BCL2: variants seen among roughly 807,000 people sequenced by gnomAD.
BCL2 encodes the protein apoptosis regulator Bcl-2.
A neutral mutation model predicts 14.2 loss-of-function variants in BCL2; 1 was observed. The observed-to-expected ratio is 0.07, with a 90% CI of 0.02 to 0.33. BCL2 has a LOEUF of 0.33. Among genes scored for constraint, BCL2 ranks in the 10% least tolerant of loss-of-function variants. The pLI is 0.99. For synonymous variants in BCL2, 151 were observed against 137.2 expected (o/e 1.10, Z -0.70); for missense variants, 247 against 305.9 (o/e 0.81, Z 1.44).
At chr18:63,287,285 T>G (rs1030454018) in intron 2 of BCL2, among the ~76,000 whole-genome samples, 15 of 152,184 alleles carry the variant, frequency 9.9e-5, no homozygotes, top group African/African-American at 3.6e-4. Flanking sequence ...CTGGGTCACA[T>G]TCTAACAAGG....
chr18:63,302,990 G>T, intron 2 of BCL2: 1 of 564,650 alleles, frequency 1.8e-6, no homozygotes, highest in Non-Finnish European at 2.2e-6. Context: ...AAAATGTACA[G>T]CTGAATATAA....
At chr18:63,287,965 T>C in intron 2 of BCL2, among the ~76,000 whole-genome samples, 1 of 152,174 alleles carries the variant, frequency 6.6e-6, no homozygotes, top group East Asian at 1.9e-4. Context: ...TTTGGGGCTC[T>C]GTCTGGGTGG....
intron 2 of BCL2, among the ~76,000 whole-genome samples, chr18:63,238,542 T>C (rs1275606155): frequency 6.6e-6 from 1 of 152,236 alleles, no homozygotes; most frequent in Admixed American, 6.5e-5. Flanking sequence ...GTTGGAAATG[T>C]ATGTATTTGC....
chr18:63,175,340 C>T (rs1446501311), intron 2 of BCL2, among the ~76,000 whole-genome samples: 3 of 152,196 alleles, frequency 2.0e-5, no homozygotes, highest in South Asian at 2.1e-4. Context: ...ATGCTATAGT[C>T]GAATTAGCTA....
At chr18:63,170,206 A>G (rs1384412637) in intron 2 of BCL2, among the ~76,000 whole-genome samples, 1 of 152,158 alleles carries the variant, frequency 6.6e-6, no homozygotes, top group South Asian at 2.1e-4. Flanking sequence ...ATATGTTACT[A>G]TATACGACAT....
At chr18:63,319,132 T>A (rs4987706) in intron 1 of BCL2, 42 bp downstream of exon 1, 7 of 933,546 alleles carry the variant, frequency 7.5e-6, no homozygotes, top group African/African-American at 1.7e-5. Context: ...AAGGTTTCCA[T>A]TGAAAGTTAC....
At chr18:63,279,771 C>T (rs958468933) in intron 2 of BCL2, among the ~76,000 whole-genome samples, 5 of 152,186 alleles carry the variant, frequency 3.3e-5, no homozygotes, top group South Asian at 2.1e-4. Context: ...ATCTCACAAA[C>T]GTAACTATGA....
At position 63,149,006 on chromosome 18, in the gene BCL2, A is replaced by C. The variant is rs1914579983; in HGVS notation, c.586-20247T>G. On this transcript the variant is annotated intron_variant, in intron 2 of 2. Coordinates refer to ENST00000333681, the MANE Select transcript of BCL2 (RefSeq NM_000633.3). This position sits in a 1 kb window ranked among gnomAD's most constrained non-coding sequence, Gnocchi z 4.2. ...TCACGCGGCCTCCCTAAATGTAGCT[A>C]TGACTCCCAGCTAAACGGGCCTGCC... 6.6e-6 allele frequency among the ~76,000 whole-genome samples: 1 copy of C among 152,206 alleles called. No homozygotes were observed. Among genetic ancestry groups the C allele is most frequent in the Non-Finnish European group, 1.5e-5 (1 of 68,028 alleles).
rs1416039334 is a variant in BCL2, at chr18:63,302,718, AAG to A, written c.585+15362_585+15363del. 5 of 985,308 alleles carry A rather than the reference AAG, an allele frequency of 5.1e-6. No homozygotes were observed. In the African/African-American group the frequency reaches 7.0e-5, roughly 14 times the overall value. 61.0% of individuals were successfully genotyped at this position (985,308 alleles called of 1,614,324 possible). On this transcript the variant is annotated intron_variant, in intron 2 of 2. Coordinates refer to ENST00000333681, the MANE Select transcript of BCL2 (RefSeq NM_000633.3). ...AATAAATGAGAAAGTAGGGGGGAAA[AAG>A]AGGTTTAGTAAGGATGCAGTAAGAG...
At chr18:63,230,807 A>C (rs1229128217) in intron 2 of BCL2, among the ~76,000 whole-genome samples, 2 of 152,072 alleles carry the variant, frequency 1.3e-5, no homozygotes, top group Non-Finnish European at 2.9e-5. Context: ...TATTTTTATG[A>C]GTTCAGTCTA....
At chr18:63,311,146 A>C (rs998191656) in intron 2 of BCL2, among the ~76,000 whole-genome samples, 1 of 122,012 alleles carries the variant, frequency 8.2e-6, no homozygotes, top group East Asian at 2.2e-4. Flanking sequence ...GCATTGAACT[A>C]AGAAGACTAA....
At chr18:63,128,904 G>A in intron 2 of BCL2, 145 bp from the exon 3 acceptor site, 1 of 582,182 alleles carries the variant, frequency 1.7e-6, no homozygotes, top group Admixed American at 3.0e-5. Flanking sequence ...ATGCTCTTTG[G>A]AGGCCATGAT....
At chr18:63,170,880 G>A (rs544813272) in intron 2 of BCL2, among the ~76,000 whole-genome samples, 1 of 152,288 alleles carries the variant, frequency 6.6e-6, no homozygotes, top group African/African-American at 2.4e-5. Flanking sequence ...ACAGTTGGCT[G>A]GACACTGATA....
At chr18:63,285,632 C>T (rs548995873) in intron 2 of BCL2, among the ~76,000 whole-genome samples, 115 of 152,290 alleles carry the variant, frequency 7.6e-4, no homozygotes, top group Non-Finnish European at 1.4e-3. Context: ...ATATGTCAGC[C>T]ATGTGGTACG....
chr18:63,281,937 C>A (rs1438269152), intron 2 of BCL2, among the ~76,000 whole-genome samples: 1 of 152,108 alleles, frequency 6.6e-6, no homozygotes, highest in Non-Finnish European at 1.5e-5. Flanking sequence ...AGTAGCTTAT[C>A]CAATACTTCA....
At chr18:63,256,168 T>C (rs1911470231) in intron 2 of BCL2, among the ~76,000 whole-genome samples, 1 of 152,264 alleles carries the variant, frequency 6.6e-6, no homozygotes, top group South Asian at 2.1e-4. Flanking sequence ...TTTTACTAGT[T>C]ATATTACCTC....
rs1482726664 is a variant in BCL2, at chr18:63,306,469, A to G, written c.585+11613T>C. ...ACCTCTAGCATCATCTTTCTGACCC[A>G]CCCACTTGCACTCTCCACTCCAGCC... On this transcript the variant is annotated intron_variant, in intron 2 of 2. Coordinates refer to ENST00000333681, the MANE Select transcript of BCL2 (RefSeq NM_000633.3). Among the ~76,000 whole-genome samples the G allele has an allele frequency of 3.3e-5, 5 of 151,988 alleles. No homozygotes were observed. In the East Asian group the frequency reaches 9.6e-4, roughly 29 times the overall value.
In BCL2 at chr18:63,140,329, C is replaced by T. The variant is rs111470430; in HGVS notation, c.586-11570G>A. ...AAGGAATTGAAATTGCACGTTCACA[C>T]GAAAACTTGTACACAAATGTTCACA... is the stretch of plus-strand genomic sequence containing the variant. On this transcript the variant is annotated intron_variant, in intron 2 of 2. Transcript: ENST00000333681. Among the ~76,000 whole-genome samples, 320 of 152,242 alleles carry T rather than the reference C, an allele frequency of 2.1e-3. 4 individuals are homozygous for T. Among genetic ancestry groups the T allele is most frequent in the Non-Finnish European group, 2.3e-3 (157 of 68,010 alleles).
At chr18:63,205,804 C>G (rs1909820313) in intron 2 of BCL2, among the ~76,000 whole-genome samples, 2 of 152,064 alleles carry the variant, frequency 1.3e-5, no homozygotes, top group Non-Finnish European at 2.9e-5. Context: ...GCAAACTAAG[C>G]CACCCGAATA....
Sources: gnomAD v4.1 joint callset for allele counts (sites outside exome capture counted in the v4.1 genomes callset) on GRCh38, gnomAD v4.1.1 for gene constraint, Gnocchi (gnomAD v3.1) non-coding constraint, MANE v1.5 for transcripts, NCBI Gene and HGNC (gene_info 2026-07-23, HGNC 2026-07-21) for gene names.